The following CCDC34 variants were observed in gnomAD, a reference collection of about 807,000 sequenced individuals.
CCDC34 encodes the protein coiled-coil domain containing 34, also known as coiled-coil domain-containing protein 34.
Under a neutral mutation model 44.1 loss-of-function variants are expected in CCDC34, and 40 were observed. That is an observed-to-expected ratio of 0.91 (90% CI 0.70 to 1.18). The LOEUF (loss-of-function observed/expected upper bound fraction) is 1.18. Among genes scored for constraint, CCDC34 ranks in the 50% most tolerant of loss-of-function variants. CCDC34 has a pLI of 0.00. For synonymous variants in CCDC34, 159 were observed against 158.2 expected (o/e 1.01, Z -0.04); for missense variants, 466 against 452.3 (o/e 1.03, Z -0.28).
At chr11:27,352,389 AAAAAGG>A (rs71449147) in intron 2 of CCDC34, among the ~76,000 whole-genome samples, 19 of 151,292 alleles carry the variant, frequency 1.3e-4, no homozygotes, top group Admixed American at 2.0e-4. Flanking sequence ...TCTCAAAAAA[AAAAAGG>A]AAAAGGAAAA....
chr11:27,361,921 G>C (rs1312034632), intron 1 of CCDC34, among the ~76,000 whole-genome samples: 1 of 152,196 alleles, frequency 6.6e-6, no homozygotes, highest in Non-Finnish European at 1.5e-5. Context: ...TACTGGGCCT[G>C]TCTCAGAAAT....
chr11:27,345,412 T>C (rs904845993), intron 3 of CCDC34, among the ~76,000 whole-genome samples: 17 of 152,256 alleles, frequency 1.1e-4, no homozygotes, highest in African/African-American at 3.6e-4. Flanking sequence ...ATTAGGTATA[T>C]ATCCTAATGC....
intron 1 of CCDC34, among the ~76,000 whole-genome samples, chr11:27,361,874 G>GT (rs1396728193): frequency 3.5e-4 from 54 of 152,178 alleles, no homozygotes; most frequent in Non-Finnish European, 6.8e-4. Flanking sequence ...GATTTCCGAA[G>GT]AAAACGTAAT....
chr11:27,350,115 A>G, intron 3 of CCDC34: 1 of 1,400,192 alleles, frequency 7.1e-7, no homozygotes, highest in Non-Finnish European at 9.3e-7. Flanking sequence ...GCAGGCAAAT[A>G]TTAGTGCAAG....
intron 2 of CCDC34, among the ~76,000 whole-genome samples, chr11:27,356,383 T>C (rs1012968859): frequency 1.3e-5 from 2 of 152,052 alleles, no homozygotes; most frequent in Middle Eastern, 3.2e-3. Context: ...GTGAAACAGA[T>C]AACTATATTT....
At chr11:27,345,784 C>A (rs1281492887) in intron 3 of CCDC34, among the ~76,000 whole-genome samples, 2 of 152,170 alleles carry the variant, frequency 1.3e-5, no homozygotes, top group Admixed American at 1.3e-4. Context: ...GATTTATAAT[C>A]CTTTGGGTAT....
intron 1 of CCDC34, 146 bp downstream of exon 1, chr11:27,362,690 A>T (rs189907095): frequency 7.1e-5 from 56 of 785,992 alleles, no homozygotes; most frequent in African/African-American, 7.1e-4. Flanking sequence ...AGGGCTCTTT[A>T]TGTGCAAAAA....
chr11:27,341,939 A>G (rs1411054557), intron 3 of CCDC34, among the ~76,000 whole-genome samples: 1 of 152,136 alleles, frequency 6.6e-6, no homozygotes. Flanking sequence ...TGTTCTCATG[A>G]TGGTGAATAA....
chr11:27,342,906 C>A (rs1240160433), intron 3 of CCDC34, among the ~76,000 whole-genome samples: 1 of 152,152 alleles, frequency 6.6e-6, no homozygotes, highest in Non-Finnish European at 1.5e-5. Flanking sequence ...GGAAACAAAT[C>A]TGGAAGGCAT....
At chr11:27,356,540 T>G (rs1862578919) in intron 2 of CCDC34, among the ~76,000 whole-genome samples, 1 of 152,008 alleles carries the variant, frequency 6.6e-6, no homozygotes, top group South Asian at 2.1e-4. Context: ...CAAATCTATC[T>G]GGCTTCAGTG....
Position 27,363,003 on chromosome 11 carries a change from C to T in CCDC34, c.192G>A (p.Arg64=), listed in dbSNP as rs1862693218. The T allele has an allele frequency of 6.2e-7, 1 of 1,614,210 alleles. No homozygotes were observed. The change falls in exon 1 of 6, where the codon AGG becomes AGA. Residue 64 remains arginine, a synonymous_variant. Transcript: ENST00000328697. ...GGTGGCCAAGGGGAGACAACAGCGA[C>T]CTGGTGGAATTGCTGCAGCTCAGCG... ...PLPLSCSNST[R]SLLSPLGHQS...
At chr11:27,347,455 C>T (rs1201893022) in intron 3 of CCDC34, among the ~76,000 whole-genome samples, 1 of 152,086 alleles carries the variant, frequency 6.6e-6, no homozygotes, top group African/African-American at 2.4e-5. Flanking sequence ...AAACTGAAAA[C>T]AACTCAATTG....
chr11:27,349,298 T>G, intron 3 of CCDC34: 1 of 920,868 alleles, frequency 1.1e-6, no homozygotes, highest in Non-Finnish European at 1.3e-6. Context: ...TATCATGGGA[T>G]GAAGTAAACT....
intron 3 of CCDC34, among the ~76,000 whole-genome samples, chr11:27,346,226 T>C (rs1230646882): frequency 2.0e-5 from 3 of 151,972 alleles, no homozygotes; most frequent in East Asian, 1.9e-4. Flanking sequence ...TGAAACCCCA[T>C]CTCTACTAAA....
At chr11:27,352,108 C>T (rs927957289) in intron 2 of CCDC34, among the ~76,000 whole-genome samples, 9 of 152,138 alleles carry the variant, frequency 5.9e-5, no homozygotes, top group East Asian at 1.9e-4. Flanking sequence ...CTGGGCCAGG[C>T]GCAGTGGCTC....
chr11:27,344,857 A>T (rs1470515792), intron 3 of CCDC34, among the ~76,000 whole-genome samples: 1 of 152,170 alleles, frequency 6.6e-6, no homozygotes, highest in Non-Finnish European at 1.5e-5. Flanking sequence ...TCTAAACTGT[A>T]TATGGAAAGA....
chr11:27,360,549 C>G (rs1043342264), intron 1 of CCDC34, among the ~76,000 whole-genome samples: 1 of 151,666 alleles, frequency 6.6e-6, no homozygotes, highest in African/African-American at 2.4e-5. Flanking sequence ...CTGCTTCACA[C>G]AGAATACTCA....
At position 27,341,429 on chromosome 11, in the gene CCDC34, T is replaced by G; in HGVS notation, c.728A>C (p.Lys243Thr). 1 of 1,466,162 alleles carries G rather than the reference T, an allele frequency of 6.8e-7. No individual in the cohort carries two copies. Among genetic ancestry groups the G allele is most frequent in the Non-Finnish European group, 9.2e-7 (1 of 1,086,498 alleles). 90.8% of individuals were successfully genotyped at this position (1,466,162 alleles called of 1,614,324 possible). ...KEKYQEWLKK[K>T]NAEECERKKK... ...CTTCCTCTCACATTCTTCAGCATTT[T>G]TTTTCTTTAACCATTCTTGATATTT... The change falls in exon 4 of 6, where the codon AAA (lysine) becomes ACA (threonine). Residue 243 changes from lysine (K) to threonine (T), a missense_variant. By Grantham distance (78) the Lys-to-Thr change is moderately conservative. Coordinates refer to ENST00000328697, the MANE Select transcript of CCDC34 (RefSeq NM_030771.2).
chr11:27,361,806 A>G (rs759327441), intron 1 of CCDC34, among the ~76,000 whole-genome samples: 1 of 152,182 alleles, frequency 6.6e-6, no homozygotes, highest in East Asian at 1.9e-4. Context: ...TCTGGCCTGT[A>G]TTTCTTAGAG....
Sources: allele counts gnomAD v4.1 joint callset (sites outside exome capture counted in the v4.1 genomes callset), GRCh38; gene constraint gnomAD v4.1.1; transcripts MANE v1.5; gene names NCBI Gene and HGNC (gene_info 2026-07-23, HGNC 2026-07-21).